Variants in SH3KBP1 observed in about 807,000 individuals in gnomAD.
The protein encoded by SH3KBP1 is SH3 domain-containing kinase-binding protein 1.
Under a neutral mutation model 50.1 loss-of-function variants are expected in SH3KBP1, and 8 were observed. The ratio of observed to expected loss-of-function variants is 0.16; its 90% CI spans 0.09 to 0.29. SH3KBP1 has a LOEUF of 0.29. SH3KBP1 is among the 10% of genes least tolerant of loss of function. The pLI, the probability that SH3KBP1 is intolerant of heterozygous loss-of-function variation, is 1.00. For synonymous variants in SH3KBP1, 227 were observed against 218.6 expected (o/e 1.04, Z -0.34); for missense variants, 377 against 535.2 (o/e 0.70, Z 2.92).
In SH3KBP1 at chrX:19,855,786, G is replaced by A. The variant is rs750977602; in HGVS notation, c.5-19504C>T. ...ACTGCAACTGAGTTTCTTTTTTGTC[G>A]TTTAAGTGTGCTCACTGACACCGCA... On this transcript the variant is annotated intron_variant, in intron 1 of 17. Coordinates refer to ENST00000397821, the MANE Select transcript of SH3KBP1 (RefSeq NM_031892.3). Among the ~76,000 whole-genome samples the A allele has an allele frequency of 1.3e-3, 147 of 111,860 alleles. 4 individuals carry two copies. Among genetic ancestry groups the A allele is most frequent in the Non-Finnish European group, 1.3e-3 (70 of 53,119 alleles).
intron 2 of SH3KBP1, among the ~76,000 whole-genome samples, chrX:19,764,005 ACT>A (rs1486972774): frequency 1.2e-5 from 1 of 85,946 alleles, no homozygotes; most frequent in Non-Finnish European, 2.2e-5. Context: ...ACAGAGCAAG[ACT>A]CTGTCTCAAA....
intron 6 of SH3KBP1, among the ~76,000 whole-genome samples, chrX:19,660,435 A>G (rs749999881): frequency 8.9e-6 from 1 of 112,327 alleles, no homozygotes; most frequent in East Asian, 2.8e-4. Context: ...CTTTTACAAG[A>G]GAATTACACA....
chrX:19,542,296 T>C (rs1434179665), intron 15 of SH3KBP1, 103 bp from the exon 16 acceptor site: 3 of 798,759 alleles, frequency 3.8e-6, no homozygotes, highest in Non-Finnish European at 5.1e-6. Context: ...TCCCCGCCTC[T>C]CTCCACACAC....
At chrX:19,613,411 C>T (rs1004203176) in intron 8 of SH3KBP1, among the ~76,000 whole-genome samples, 1 of 111,897 alleles carries the variant, frequency 8.9e-6, no homozygotes, top group Non-Finnish European at 1.9e-5. Flanking sequence ...ATGTAGATGA[C>T]GCTTCCAGAA....
chrX:19,832,238 G>A lies in SH3KBP1; in HGVS notation c.162+3887C>T, dbSNP rs185054740. On this transcript the variant is annotated intron_variant, in intron 2 of 17. Transcript: ENST00000397821. ...CTAGAGGACACCTGAGCAGGTGAGC[G>A]CAGGGCAATTCAGGCCCAGAGGAGA... 7.8e-3 allele frequency among the ~76,000 whole-genome samples: 872 copies of A among 111,778 alleles called. 3 individuals are homozygous for A. Among genetic ancestry groups the A allele is most frequent in the Non-Finnish European group, 0.013 (716 of 53,086 alleles).
At chrX:19,873,714 A>G (rs1001215942) in intron 1 of SH3KBP1, among the ~76,000 whole-genome samples, 1 of 107,794 alleles carries the variant, frequency 9.3e-6, no homozygotes, top group Admixed American at 1.0e-4. Flanking sequence ...AAAGAAATAC[A>G]CCAAAATATT....
chrX:19,845,485 A>C (rs955495085), intron 1 of SH3KBP1, among the ~76,000 whole-genome samples: 1 of 110,336 alleles, frequency 9.1e-6, no homozygotes, highest in Admixed American at 9.7e-5. Flanking sequence ...CTCAAAAACA[A>C]ACAGGCAGAC....
intron 2 of SH3KBP1, among the ~76,000 whole-genome samples, chrX:19,757,383 G>C (rs965522537): frequency 9.1e-6 from 1 of 109,981 alleles, no homozygotes; most frequent in Non-Finnish European, 1.9e-5. Context: ...TTTCTCTTAA[G>C]ATTTCACCAT....
chrX:19,671,371 A>AAC lies in SH3KBP1; in HGVS notation c.726+12450_726+12451dup, dbSNP rs745414505. 8.6e-3 allele frequency among the ~76,000 whole-genome samples: 878 copies of AAC among 101,889 alleles called. 9 individuals are homozygous for AAC. The highest frequency in any genetic ancestry group is 0.026 in the East Asian group (87 of 3,390). The allele number at this position is 101,889 out of a possible 115,157, so 88.5% of individuals were successfully genotyped here. A position where few individuals can be genotyped will look rare whatever the true frequency, so the allele number is the denominator to read the frequency against. On this transcript the variant is annotated intron_variant, in intron 6 of 17. Transcript: ENST00000397821. The stretch of plus-strand genomic sequence containing the variant: ...TTGCACTACACAAAAATTACTCATA[A>AAC]ACACACACACACACACACACACACA...
At chrX:19,656,722 T>C (rs1222388763) in intron 6 of SH3KBP1, among the ~76,000 whole-genome samples, 2 of 112,065 alleles carry the variant, frequency 1.8e-5, no homozygotes, top group Non-Finnish European at 1.9e-5. Context: ...AGTGCTCTGA[T>C]GCTAGTGTCG....
At chrX:19,640,587 C>T (rs1363489429) in intron 7 of SH3KBP1, among the ~76,000 whole-genome samples, 1 of 108,823 alleles carries the variant, frequency 9.2e-6, no homozygotes, top group African/African-American at 3.4e-5. Context: ...AACCTGAATT[C>T]GTCAGACTAC....
chrX:19,820,152 C>CA (rs2067483976), intron 2 of SH3KBP1, among the ~76,000 whole-genome samples: 1 of 111,724 alleles, frequency 9.0e-6, no homozygotes, highest in East Asian at 2.8e-4. Context: ...GCAGATATTT[C>CA]ATGGGTACTT....
chrX:19,775,616 T>C (rs2065947654), intron 2 of SH3KBP1, among the ~76,000 whole-genome samples: 1 of 111,861 alleles, frequency 8.9e-6, no homozygotes, highest in South Asian at 3.7e-4. Flanking sequence ...AGTCCATTAA[T>C]AAACCACACA....
At chrX:19,703,955 A>T (rs1342174598) in intron 4 of SH3KBP1, among the ~76,000 whole-genome samples, 4 of 110,134 alleles carry the variant, frequency 3.6e-5, no homozygotes, top group Non-Finnish European at 7.6e-5. Flanking sequence ...CATCAGTGGA[A>T]TTAGAGAGGA....
At chrX:19,663,980 T>A (rs759081135) in intron 6 of SH3KBP1, among the ~76,000 whole-genome samples, 1 of 111,868 alleles carries the variant, frequency 8.9e-6, no homozygotes, top group Non-Finnish European at 1.9e-5. Flanking sequence ...GTCCCAGCTA[T>A]ACAGGAGGCT....
chrX:19,874,261 T>C (rs1161367975), intron 1 of SH3KBP1, among the ~76,000 whole-genome samples: 1 of 93,464 alleles, frequency 1.1e-5, no homozygotes, highest in East Asian at 3.2e-4. Flanking sequence ...AATGGGAGAA[T>C]GTGGGAAGGA....
In SH3KBP1 at chrX:19,617,249, T is replaced by C. The variant is rs377270980; in HGVS notation, c.898-9204A>G. Among the ~76,000 whole-genome samples, 9 of 112,766 alleles carry C rather than the reference T, an allele frequency of 8.0e-5. No individual in the cohort carries two copies. In the East Asian group the frequency reaches 1.1e-3, roughly 14 times the overall value. ...TCCAGGATCACATTCTTGTGATATG[T>C]ATTGTCCAATGCCTAAAAACAGCCA... On this transcript the variant is annotated intron_variant, in intron 8 of 17. Coordinates refer to ENST00000397821, the MANE Select transcript of SH3KBP1 (RefSeq NM_031892.3).
In SH3KBP1 at chrX:19,809,894, C is replaced by T. The variant is rs151328816; in HGVS notation, c.162+26231G>A. On this transcript the variant is annotated intron_variant, in intron 2 of 17. Transcript: ENST00000397821. ...ATTGGTAATCGCCTGTAAATGAAAG[C>T]AGCAGCAGCTTGGTAAGATCCACCT... Among the ~76,000 whole-genome samples, 1,120 of 112,187 alleles carry T rather than the reference C, an allele frequency of 1.0e-2. 14 individuals carry two copies. Among genetic ancestry groups the T allele is most frequent in the African/African-American group, 0.033 (1,033 of 30,874 alleles).
At chrX:19,696,507 G>A (rs2063418822) in intron 4 of SH3KBP1, among the ~76,000 whole-genome samples, 1 of 111,549 alleles carries the variant, frequency 9.0e-6, no homozygotes, top group African/African-American at 3.3e-5. Context: ...TAGGTAGGAA[G>A]GGCAGCGAGA....
Sources: gnomAD v4.1 joint callset for allele counts (sites outside exome capture counted in the v4.1 genomes callset) on GRCh38, gnomAD v4.1.1 for gene constraint, MANE v1.5 for transcripts, NCBI Gene and HGNC (gene_info 2026-07-23, HGNC 2026-07-21) for gene names.